Variants in CNTLN observed in about 807,000 individuals in gnomAD.
CNTLN encodes centlein.
CNTLN carries 212 observed loss-of-function variants against 180.0 expected under a neutral mutation model. That is an observed-to-expected ratio of 1.18 (90% CI 1.05 to 1.32). CNTLN has a LOEUF of 1.32. Ranked by LOEUF, CNTLN falls within the 40% of genes most tolerant of loss-of-function variation. The pLI, the probability that CNTLN is intolerant of heterozygous loss-of-function variation, is 0.00. For missense variants in CNTLN, 2,095 were observed against 1,610.9 expected, an observed-to-expected ratio of 1.30 and a Z score of -5.14; for synonymous variants, 722 against 563.1, an observed-to-expected ratio of 1.28 and a Z score of -3.99.
chr9:17,490,552 C>G (rs963034418), intron 25 of CNTLN, among the ~76,000 whole-genome samples: 1 of 151,836 alleles, frequency 6.6e-6, no homozygotes, highest in African/African-American at 2.4e-5. Flanking sequence ...AATTTATAGA[C>G]AGTATGTTTG....
chr9:17,397,661 C>T (rs903767106), intron 15 of CNTLN, among the ~76,000 whole-genome samples: 1 of 152,158 alleles, frequency 6.6e-6, no homozygotes, highest in Non-Finnish European at 1.5e-5. Context: ...ACTGGGAATG[C>T]CTCCCGGCAG....
chr9:17,231,692 CTTT>C (rs1384392360), intron 3 of CNTLN, among the ~76,000 whole-genome samples: 2 of 151,926 alleles, frequency 1.3e-5, no homozygotes, highest in African/African-American at 4.8e-5. Flanking sequence ...TTAATTACTG[CTTT>C]GTTTGTTTTT....
At chr9:17,352,322 A>G (rs1240352295) in intron 12 of CNTLN, among the ~76,000 whole-genome samples, 1 of 150,814 alleles carries the variant, frequency 6.6e-6, no homozygotes, top group East Asian at 1.9e-4. Context: ...TCAAAATATT[A>G]TCCTAGGAAA....
intron 2 of CNTLN, among the ~76,000 whole-genome samples, chr9:17,147,727 T>C (rs1328288165): frequency 6.6e-6 from 1 of 152,186 alleles, no homozygotes. Context: ...TATAATATCA[T>C]TTTTAGGGTT....
chr9:17,153,504 A>G (rs1819043127), intron 2 of CNTLN, among the ~76,000 whole-genome samples: 2 of 152,200 alleles, frequency 1.3e-5, no homozygotes, highest in African/African-American at 4.8e-5. Context: ...TCTGGCTTGT[A>G]GGGTTTCTCC....
chr9:17,432,155 G>A (rs544520572), intron 18 of CNTLN, among the ~76,000 whole-genome samples: 1 of 151,992 alleles, frequency 6.6e-6, no homozygotes, highest in South Asian at 2.1e-4. Context: ...GGAAATAGCA[G>A]ACCACTAGAG....
intron 3 of CNTLN, among the ~76,000 whole-genome samples, chr9:17,235,010 TCAG>T (rs1277781786): frequency 6.6e-6 from 1 of 152,072 alleles, no homozygotes; most frequent in East Asian, 1.9e-4. Context: ...AGAGGAAAGA[TCAG>T]CAGCCAAGAG....
At chr9:17,192,395 T>C (rs1821846258) in intron 2 of CNTLN, among the ~76,000 whole-genome samples, 1 of 151,898 alleles carries the variant, frequency 6.6e-6, no homozygotes, top group East Asian at 1.9e-4. Flanking sequence ...CCTGCCACCG[T>C]GCCCGGCTAA....
At chr9:17,327,540 A>G (rs1349263619) in intron 8 of CNTLN, among the ~76,000 whole-genome samples, 1 of 149,810 alleles carries the variant, frequency 6.7e-6, no homozygotes, top group East Asian at 2.0e-4. Flanking sequence ...ACTTACTAGT[A>G]GGAACTTTGA....
At chr9:17,177,488 A>G (rs945500072) in intron 2 of CNTLN, among the ~76,000 whole-genome samples, 6 of 152,184 alleles carry the variant, frequency 3.9e-5, no homozygotes, top group African/African-American at 1.2e-4. Flanking sequence ...ACTGACTTCA[A>G]CAAAGAAGCT....
chr9:17,492,391 C>G (rs1450176407), intron 25 of CNTLN, among the ~76,000 whole-genome samples: 1 of 151,926 alleles, frequency 6.6e-6, no homozygotes, highest in Non-Finnish European at 1.5e-5. Context: ...TAAGTCTCAA[C>G]CAAATATAAA....
intron 18 of CNTLN, among the ~76,000 whole-genome samples, chr9:17,416,830 A>G (rs184962648): frequency 2.6e-5 from 4 of 152,222 alleles, no homozygotes; most frequent in Admixed American, 2.0e-4. Context: ...TCTTTACGCT[A>G]TTTGCTTGTG....
At chr9:17,242,488 T>C (rs1474921092) in intron 5 of CNTLN, among the ~76,000 whole-genome samples, 1 of 152,144 alleles carries the variant, frequency 6.6e-6, no homozygotes, top group Non-Finnish European at 1.5e-5. Flanking sequence ...TGTTTCTTTT[T>C]TTAGTAGAGA....
chr9:17,446,367 G>A (rs574446423), intron 18 of CNTLN, among the ~76,000 whole-genome samples: 69 of 152,116 alleles, frequency 4.5e-4, no homozygotes, highest in Non-Finnish European at 7.9e-4. Context: ...TAAGTATTAA[G>A]ATGTAATTCA....
chr9:17,257,336 A>T (rs949434597), intron 5 of CNTLN, among the ~76,000 whole-genome samples: 1 of 152,128 alleles, frequency 6.6e-6, no homozygotes, highest in Non-Finnish European at 1.5e-5. Flanking sequence ...ATAGTATTCC[A>T]TGGTGTATAT....
At chr9:17,326,342 G>A (rs11789786) in intron 8 of CNTLN, among the ~76,000 whole-genome samples, 34,464 of 151,708 alleles carry the variant, frequency 0.23, 4,206 homozygotes, top group South Asian at 0.37. Context: ...TTGTTAGGAA[G>A]GAAAGTTAAC....
intron 18 of CNTLN, among the ~76,000 whole-genome samples, chr9:17,433,882 G>GT (rs1829592090): frequency 6.6e-6 from 1 of 152,174 alleles, no homozygotes; most frequent in African/African-American, 2.4e-5. Context: ...TGCCCAGCCT[G>GT]TAAGAGTTTT....
chr9:17,428,964 C>T lies in CNTLN; in HGVS notation c.3114+12775C>T, dbSNP rs149317361. Among the ~76,000 whole-genome samples, 57 of 151,800 alleles carry T rather than the reference C, an allele frequency of 3.8e-4. 1 individual carries two copies. The highest frequency in any genetic ancestry group is 1.3e-3 in the African/African-American group (53 of 41,464). ...AATTTATTCCAGCTCATTCCTTGAA[C>T]GATTTGAGGCAGTTAGTGTCTATTA... On this transcript the variant is annotated intron_variant, in intron 18 of 25. Transcript: ENST00000380647.
intron 5 of CNTLN, among the ~76,000 whole-genome samples, chr9:17,259,161 T>G (rs1022251190): frequency 1.3e-5 from 2 of 148,584 alleles, no homozygotes; most frequent in African/African-American, 5.1e-5. Context: ...AATACCTAAT[T>G]TATTGAGAGT....
Sources: allele counts gnomAD v4.1 joint callset (sites outside exome capture counted in the v4.1 genomes callset), GRCh38; gene constraint gnomAD v4.1.1; transcripts MANE v1.5; gene names NCBI Gene and HGNC (gene_info 2026-07-23, HGNC 2026-07-21).